The following FAM168B variants were observed in gnomAD, a reference collection of about 807,000 sequenced individuals.
The protein encoded by FAM168B is myelin-associated neurite-outgrowth inhibitor.
A neutral mutation model predicts 21.8 loss-of-function variants in FAM168B; 19 were observed. The observed-to-expected ratio is 0.87, with a 90% CI of 0.61 to 1.28. The LOEUF (loss-of-function observed/expected upper bound fraction) is 1.28. Ranked by LOEUF, FAM168B falls within the 50% of genes most tolerant of loss-of-function variation. The pLI, the probability that FAM168B is intolerant of heterozygous loss-of-function variation, is 0.00. For missense variants in FAM168B, 233 were observed against 263.1 expected (o/e 0.89, Z 0.79); for synonymous variants, 126 against 104.8 (o/e 1.20, Z -1.24).
intron 2 of FAM168B, among the ~76,000 whole-genome samples, chr2:131,073,094 T>C (rs550100216): frequency 2.0e-4 from 31 of 152,230 alleles, no homozygotes; most frequent in Admixed American, 1.7e-3. Flanking sequence ...CACATTCTGA[T>C]GTTCTTTTTT....
chr2:131,055,432 T>C lies in FAM168B; in HGVS notation c.315A>G (p.Thr105=), dbSNP rs1267761572. Residue 105 remains threonine (T), a synonymous_variant, in exon 5 of 7, where the codon ACA becomes ACG. Transcript: ENST00000389915. ...SPYAQQGTYY[T]QPLYAAPPHV... ...GAGGAGGTGCTGCATACAGCGGCTGTGTGTAGTACGTGCCTTGCTGTGGGG... is the reference window on the plus strand; with the variant it reads ...GAGGAGGTGCTGCATACAGCGGCTGCGTGTAGTACGTGCCTTGCTGTGGGG... 2 of 1,609,040 alleles carry C rather than the reference T, an allele frequency of 1.2e-6. No individual in the cohort carries two copies. Among genetic ancestry groups the C allele is most frequent in the South Asian group, 1.1e-5 (1 of 90,470 alleles).
intron 1 of FAM168B, among the ~76,000 whole-genome samples, chr2:131,090,768 G>A (rs1489060898): frequency 6.6e-6 from 1 of 152,072 alleles, no homozygotes; most frequent in African/African-American, 2.4e-5. Flanking sequence ...TCGCTTTGTT[G>A]CCCAGGCTGG....
rs1357055230 is a variant in FAM168B at position 131,055,460 on chromosome 2, A to G, written c.298-11T>C. On this transcript the variant is annotated splice_polypyrimidine_tract_variant and intron_variant, in intron 4 of 6. Transcript: ENST00000389915. ...GTAGTACGTGCCTTGCTGTGGGGAGAAGAGAGACAACTGACACAGGGTCCC... is the reference window on the plus strand; with the variant it reads ...GTAGTACGTGCCTTGCTGTGGGGAGGAGAGAGACAACTGACACAGGGTCCC... The G allele has an allele frequency of 2.5e-6, 4 of 1,605,194 alleles. No individual in the cohort carries two copies. Among genetic ancestry groups the G allele is most frequent in the African/African-American group, 1.3e-5 (1 of 74,232 alleles).
At chr2:131,090,697 T>C (rs569256127) in intron 1 of FAM168B, among the ~76,000 whole-genome samples, 11 of 152,210 alleles carry the variant, frequency 7.2e-5, no homozygotes, top group African/African-American at 9.6e-5. Context: ...GAGACTCCCA[T>C]CTCTACAAAA....
intron 3 of FAM168B, among the ~76,000 whole-genome samples, chr2:131,070,018 C>T (rs1389183814): frequency 2.0e-5 from 3 of 151,644 alleles, no homozygotes; most frequent in Middle Eastern, 3.4e-3. Flanking sequence ...GCCTCCAAGC[C>T]CAGCTAATTT....
In FAM168B at chr2:131,071,469, C is replaced by T. The variant is rs12474785; in HGVS notation, c.154+386G>A. Among the ~76,000 whole-genome samples, 1,173 of 152,260 alleles carry T rather than the reference C, an allele frequency of 7.7e-3. 23 individuals carry two copies. Among genetic ancestry groups the T allele is most frequent in the East Asian group, 0.045 (233 of 5,184 alleles). On this transcript the variant is annotated intron_variant, in intron 3 of 6. Transcript: ENST00000389915. Reference sequence around the variant, plus strand: ...TCTATACATTACATGGAAAATAATACTTTTTTAAAAAATATTATCAGAGTG... The same window carrying T: ...TCTATACATTACATGGAAAATAATATTTTTTTAAAAAATATTATCAGAGTG...
intron 3 of FAM168B, among the ~76,000 whole-genome samples, chr2:131,062,911 A>G (rs1018450718): frequency 6.6e-6 from 1 of 152,242 alleles, no homozygotes; most frequent in Admixed American, 6.5e-5. Flanking sequence ...AAAACCAAAA[A>G]GGAACTAAAC....
At chr2:131,074,550 T>C (rs1693039201) in intron 2 of FAM168B, among the ~76,000 whole-genome samples, 1 of 152,160 alleles carries the variant, frequency 6.6e-6, no homozygotes, top group Non-Finnish European at 1.5e-5. Flanking sequence ...CCTTCACCTG[T>C]AAATAAAGTT....
chr2:131,071,734 TAATG>T, intron 3 of FAM168B, 117 bp downstream of exon 3: 1 of 822,560 alleles, frequency 1.2e-6, no homozygotes, highest in Non-Finnish European at 2.0e-6. Flanking sequence ...CAGGCTAACT[TAATG>T]AACTTGAGAA....
At chr2:131,068,231 T>C (rs1207460711) in intron 3 of FAM168B, among the ~76,000 whole-genome samples, 1 of 152,188 alleles carries the variant, frequency 6.6e-6, no homozygotes, top group African/African-American at 2.4e-5. Context: ...CGATTTTGGC[T>C]CACTGCAACC....
rs1235322219 is a variant in FAM168B at position 131,061,404 on chromosome 2, AAC to A, written c.155-5711_155-5710del. 3.3e-5 allele frequency among the ~76,000 whole-genome samples: 5 copies of A among 152,248 alleles called. No individual in the cohort carries two copies. In the East Asian group the frequency reaches 7.8e-4, roughly 24 times the overall value. Reference sequence around the variant, plus strand: ...CTAGCCAGAAAATCTCCATGGAAACAACAGTCATGCATGAGGTAAAAGAACAA... The same window carrying A: ...CTAGCCAGAAAATCTCCATGGAAACAAGTCATGCATGAGGTAAAAGAACAA... On this transcript the variant is annotated intron_variant, in intron 3 of 6. Transcript: ENST00000389915.
At chr2:131,070,201 A>C (rs1692804796) in intron 3 of FAM168B, among the ~76,000 whole-genome samples, 2 of 152,338 alleles carry the variant, frequency 1.3e-5, no homozygotes, top group African/African-American at 4.8e-5. Flanking sequence ...TGTTAAAAGA[A>C]TGAAAAAGCC....
chr2:131,089,864 T>A (rs781699621), intron 1 of FAM168B, among the ~76,000 whole-genome samples: 5 of 145,622 alleles, frequency 3.4e-5, no homozygotes, highest in Admixed American at 1.4e-4. Flanking sequence ...AAACCCCGTC[T>A]CTACTAAAAA....
In FAM168B at chr2:131,055,459, G is replaced by A. The variant is rs1280093193; in HGVS notation, c.298-10C>T. 2 of 1,605,776 alleles carry A rather than the reference G, an allele frequency of 1.2e-6. No homozygotes were observed. The highest frequency in any genetic ancestry group is 3.5e-5 in the Admixed American group (2 of 56,694). ...TGTAGTACGTGCCTTGCTGTGGGGA[G>A]AAGAGAGACAACTGACACAGGGTCC... On this transcript the variant is annotated splice_polypyrimidine_tract_variant and intron_variant, in intron 4 of 6. Coordinates refer to ENST00000389915, the MANE Select transcript of FAM168B (RefSeq NM_001009993.4).
At chr2:131,091,143 G>A (rs1363133294) in intron 1 of FAM168B, among the ~76,000 whole-genome samples, 2 of 152,166 alleles carry the variant, frequency 1.3e-5, no homozygotes, top group Middle Eastern at 3.2e-3. Context: ...AGACCAGCCT[G>A]GCCAACATAG....
At chr2:131,060,504 C>G (rs928749749) in intron 3 of FAM168B, among the ~76,000 whole-genome samples, 13 of 152,178 alleles carry the variant, frequency 8.5e-5, no homozygotes, top group African/African-American at 2.9e-4. Flanking sequence ...ATAAATTCAA[C>G]TTTATAAAAA....
In FAM168B at chr2:131,055,293, TCCCAGCCACCATGCCCATGGTGAC is replaced by T; in HGVS notation, c.430_453del (p.Val144_Gly151del). 1 of 1,579,752 alleles carries T rather than the reference TCCCAGCCACCATGCCCATGGTGAC, an allele frequency of 6.3e-7. No homozygotes were observed. The highest frequency in any genetic ancestry group is 1.2e-5 in the South Asian group (1 of 86,340). On this transcript the variant is annotated inframe_deletion, in exon 5 of 7. Coordinates refer to ENST00000389915, the MANE Select transcript of FAM168B (RefSeq NM_001009993.4). ...TTACCTGCTGACATGGCCATGGTGG[TCCCAGCCACCATGCCCATGGTGAC>T]CCCGTTGCCTCTAGGAGGGGGGATG...
chr2:131,057,932 G>T (rs896314650), intron 3 of FAM168B, among the ~76,000 whole-genome samples: 1 of 152,070 alleles, frequency 6.6e-6, no homozygotes, highest in African/African-American at 2.4e-5. Context: ...CTGGGTTCAA[G>T]CAATTCTCAT....
At position 131,055,339 on chromosome 2, in the gene FAM168B, G is replaced by T. The variant is rs553389316; in HGVS notation, c.408C>A (p.Ile136=). The T allele has an allele frequency of 3.2e-6, 5 of 1,585,382 alleles. No homozygotes were observed. The highest frequency in any genetic ancestry group is 4.3e-6 in the Non-Finnish European group (5 of 1,171,384). Residue 136 remains isoleucine, a synonymous_variant, in exon 5 of 7, where the codon ATC becomes ATA. Transcript: ENST00000389915. The stretch of plus-strand genomic sequence containing the variant: ...TGACCCCGTTGCCTCTAGGAGGGGG[G>T]ATGGGAGCAGGGTACACCGTTGCAG... ...GMPATVYPAP[I]PPPRGNGVTM... is the part of the protein sequence containing the mutation.
Sources: allele counts gnomAD v4.1 joint callset (sites outside exome capture counted in the v4.1 genomes callset), GRCh38; gene constraint gnomAD v4.1.1; transcripts MANE v1.5; gene names NCBI Gene and HGNC (gene_info 2026-07-23, HGNC 2026-07-21).